Variants in CD320 observed in about 807,000 individuals in gnomAD.
CD320 encodes CD320 molecule, also known as CD320 antigen.
Under a neutral mutation model 22.1 loss-of-function variants are expected in CD320, and 16 were observed. The observed-to-expected ratio is 0.73, with a 90% CI of 0.49 to 1.10. The LOEUF (loss-of-function observed/expected upper bound fraction) is 1.10, where lower values mean the gene tolerates loss of function less well. Among genes scored for constraint, CD320 ranks in the 50% least tolerant of loss-of-function variants. CD320 has a pLI of 0.00. For missense variants in CD320, 388 were observed against 376.9 expected (o/e 1.03, Z -0.24); for synonymous variants, 188 against 167.8 (o/e 1.12, Z -0.93).
chr19:8,303,893 T>C lies in CD320; in HGVS notation c.464A>G (p.His155Arg). 6.2e-7 allele frequency: 1 copy of C among 1,605,246 alleles called. No individual in the cohort carries two copies. The highest frequency in any genetic ancestry group is 8.5e-7 in the Non-Finnish European group (1 of 1,176,482). Reference sequence around the variant, plus strand: ...GTCGCTGGAGTCGGGACAGTCTGGGTGGCCGTCGCAGCGCCACGTGAGTGG... The same window carrying C: ...GTCGCTGGAGTCGGGACAGTCTGGGCGGCCGTCGCAGCGCCACGTGAGTGG... ...CIPLTWRCDG[H>R]PDCPDSSDEL... Residue 155 changes from histidine (H) to arginine (R), a missense_variant, in exon 3 of 5, where the codon CAC becomes CGC. Physicochemically the swap from His to Arg is conservative, Grantham distance 29 (BLOSUM62 0). Coordinates refer to ENST00000301458, the MANE Select transcript of CD320 (RefSeq NM_016579.4).
rs144097701 is a variant in CD320, at chr19:8,303,979, G to A, written c.378C>T (p.Asn126=). Residue 126 remains asparagine (N), a synonymous_variant, in exon 3 of 5, where the codon AAC becomes AAT. Transcript: ENST00000301458. ...CTGCTAGGCAGGCCAGGCGGCTGCA[G>A]TTGCGCAGTTTCTTGTCAGTTCCCC... is the stretch of plus-strand genomic sequence containing the variant. ...CSGGTDKKLR[N]CSRLACLAGE... The A allele has an allele frequency of 2.8e-4, 447 of 1,577,442 alleles. No homozygotes were observed. The highest frequency in any genetic ancestry group is 3.7e-4 in the Non-Finnish European group (431 of 1,161,782).
Position 8,302,947 on chromosome 19 carries a change from G to T in CD320, c.536C>A (p.Thr179Lys), listed in dbSNP as rs1204954526. The T allele has an allele frequency of 5.0e-6, 8 of 1,613,956 alleles. No homozygotes were observed. The highest frequency in any genetic ancestry group is 1.3e-5 in the African/African-American group (1 of 74,906). The change falls in exon 4 of 5, where the codon ACA becomes AAA. Residue 179 changes from threonine to lysine, a missense_variant. By Grantham distance (78) the Thr-to-Lys change is moderately conservative. Transcript: ENST00000301458. ...TNEILPEGDA[T>K]TMGPPVTLES... is the part of the protein sequence containing the mutation. The stretch of plus-strand genomic sequence containing the variant: ...CAGGGTCACAGGGGGCCCCATGGTT[G>T]TGGCATCCCCTTCCGGGAGGATCTC...
At chr19:8,304,342 T>G (rs955624368) in intron 2 of CD320, among the ~76,000 whole-genome samples, 1 of 152,030 alleles carries the variant, frequency 6.6e-6, no homozygotes, top group Admixed American at 6.5e-5. Context: ...TGTTTGTTTC[T>G]TTCTTTATTT....
Position 8,302,973 on chromosome 19 carries a change from A to G in CD320, c.510T>C (p.Asn170=). ...TGGCATCCCCTTCCGGGAGGATCTC[A>G]TTGGTTCCTGCAATAAGCCCAGGCG... The part of the protein sequence containing the change: ...DSSDELGCGT[N]EILPEGDATT... The change falls in exon 4 of 5, where the codon AAT becomes AAC. Residue 170 remains asparagine, a synonymous_variant. Coordinates refer to ENST00000301458, the MANE Select transcript of CD320 (RefSeq NM_016579.4). The G allele has an allele frequency of 6.2e-7, 1 of 1,610,366 alleles. No homozygotes were observed. Among genetic ancestry groups the G allele is most frequent in the Non-Finnish European group, 8.5e-7 (1 of 1,177,054 alleles).
At position 8,303,901 on chromosome 19, in the gene CD320, G is replaced by A. The variant is rs758485696; in HGVS notation, c.456C>T (p.Cys152=). 6.2e-7 allele frequency: 1 copy of A among 1,605,754 alleles called. No homozygotes were observed. The highest frequency in any genetic ancestry group is 8.5e-7 in the Non-Finnish European group (1 of 1,176,654). Residue 152 remains cysteine (C), a synonymous_variant, in exon 3 of 5, where the codon TGC becomes TGT. Coordinates refer to ENST00000301458, the MANE Select transcript of CD320 (RefSeq NM_016579.4). ...SDDCIPLTWR[C]DGHPDCPDSS... The stretch of plus-strand genomic sequence containing the variant: ...AGTCGGGACAGTCTGGGTGGCCGTC[G>A]CAGCGCCACGTGAGTGGAATGCAGT...
At chr19:8,307,706 G>A (rs1970113340) in intron 1 of CD320, among the ~76,000 whole-genome samples, 1 of 152,206 alleles carries the variant, frequency 6.6e-6, no homozygotes, top group Non-Finnish European at 1.5e-5. Context: ...AGACTGGGAG[G>A]GCAGGGACGG....
At chr19:8,304,467 T>C (rs8108166) in intron 2 of CD320, among the ~76,000 whole-genome samples, 23,198 of 152,056 alleles carry the variant, frequency 0.15, 3,906 homozygotes, top group African/African-American at 0.42. Context: ...CTTAGCCTCC[T>C]GACTAGCTGG....
Position 8,304,000 on chromosome 19 carries a change from TC to T in CD320, c.356del (p.Gly119GlufsTer15). On this transcript the variant is annotated frameshift_variant, in exon 3 of 5. Transcript: ENST00000301458. LOFTEE classifies it high-confidence loss of function. ...PCTGVSDCSG[G>X]TDKKLRNCSR... Reference sequence around the variant, plus strand: ...TGCAGTTGCGCAGTTTCTTGTCAGTTCCCCCAGAGCAGTCACTGACGCCGGT... The same window carrying T: ...TGCAGTTGCGCAGTTTCTTGTCAGTTCCCCAGAGCAGTCACTGACGCCGGT... 6.4e-7 allele frequency: 1 copy of T among 1,570,558 alleles called. No homozygotes were observed. The highest frequency in any genetic ancestry group is 2.4e-5 in the East Asian group (1 of 42,326).
At chr19:8,303,063 G>T (rs1970033417) in intron 3 of CD320, 83 bp from the exon 4 acceptor site, 3 of 1,156,530 alleles carry the variant, frequency 2.6e-6, no homozygotes, top group Non-Finnish European at 2.5e-6. Context: ...AGCCCTTGGG[G>T]TTTATCCTCA....
At chr19:8,306,361 A>T (rs543823120) in intron 1 of CD320, among the ~76,000 whole-genome samples, 2 of 152,284 alleles carry the variant, frequency 1.3e-5, no homozygotes, top group Admixed American at 6.5e-5. Context: ...GACACAGGTC[A>T]CATAAGGGTC....
chr19:8,307,295 AC>A (rs1343667706), intron 1 of CD320, among the ~76,000 whole-genome samples: 2 of 151,038 alleles, frequency 1.3e-5, no homozygotes, highest in African/African-American at 4.9e-5. Context: ...AAAAAAAAAA[AC>A]AAAAACTTTT....
chr19:8,304,505 G>A (rs1970057619), intron 2 of CD320, among the ~76,000 whole-genome samples: 1 of 151,930 alleles, frequency 6.6e-6, no homozygotes, highest in African/African-American at 2.4e-5. Context: ...GCCACATCCA[G>A]CTAACTTTTG....
intron 1 of CD320, 44 bp downstream of exon 1, chr19:8,308,105 A>G: frequency 6.3e-6 from 9 of 1,432,292 alleles, no homozygotes; most frequent in Non-Finnish European, 7.3e-6. Flanking sequence ...GGCGGGGCGA[A>G]GCCTCGCGAG....
At chr19:8,302,681 T>A in intron 4 of CD320, 76 bp from the exon 5 acceptor site, 2 of 1,605,550 alleles carry the variant, frequency 1.2e-6, no homozygotes. Context: ...TCCATACACA[T>A]GGGGATGGGA....
chr19:8,303,862 G>A lies in CD320; in HGVS notation c.495C>T (p.Leu165=), dbSNP rs199545496. Residue 165 remains leucine (L), a synonymous_variant, in exon 3 of 5, where the codon CTC becomes CTT. Transcript: ENST00000301458. ...HPDCPDSSDE[L]GCGTNEILPE... ...AGCCCCGCAGGTGCATACCACAGCC[G>A]AGCTCGTCGCTGGAGTCGGGACAGT... 99 of 1,596,438 alleles carry A rather than the reference G, an allele frequency of 6.2e-5. No homozygotes were observed. In the East Asian group the frequency reaches 1.3e-3, roughly 22 times the overall value.
intron 1 of CD320, chr19:8,305,537 C>A: frequency 3.9e-6 from 1 of 257,728 alleles, no homozygotes; most frequent in South Asian, 4.4e-5. Flanking sequence ...GAAACCCCGT[C>A]TCTGTTAAAA....
Position 8,302,476 on chromosome 19 carries a change from G to T in CD320, c.836C>A (p.Thr279Asn). ...AAGTGCTTGTCCTCAGGGCAGCGAG[G>T]TCTTCTGTTCTGACAGCAGCAGGGA... ...KESLLLSEQK[T>N]SLP The change falls in exon 5 of 5, where the codon ACC becomes AAC. Residue 279 changes from threonine (T) to asparagine (N), a missense_variant. Thr to Asn is a moderately conservative substitution (Grantham distance 65). Coordinates refer to ENST00000301458, the MANE Select transcript of CD320 (RefSeq NM_016579.4). 2 of 1,614,162 alleles carry T rather than the reference G, an allele frequency of 1.2e-6. No individual in the cohort carries two copies. The highest frequency in any genetic ancestry group is 1.7e-6 in the Non-Finnish European group (2 of 1,180,022).
At chr19:8,304,633 G>A (rs545861169) in intron 2 of CD320, 22 of 262,190 alleles carry the variant, frequency 8.4e-5, no homozygotes, top group Non-Finnish European at 1.4e-4. Flanking sequence ...GTGAGCCACC[G>A]TACCTGGCTC....
Position 8,305,022 on chromosome 19 carries a change from G to A in CD320, c.268+9C>T. 6.2e-7 allele frequency: 1 copy of A among 1,604,594 alleles called. No individual in the cohort carries two copies. Among genetic ancestry groups the A allele is most frequent in the Non-Finnish European group, 8.5e-7 (1 of 1,179,606 alleles). On this transcript the variant is annotated intron_variant, in intron 2 of 4. Coordinates refer to ENST00000301458, the MANE Select transcript of CD320 (RefSeq NM_016579.4). ...CCTGTAAGCCCCGCCAAGGGGCGTG[G>A]CCACTCACTGCACTCCTCCTCATCG...
Sources: gnomAD v4.1 joint callset for allele counts (sites outside exome capture counted in the v4.1 genomes callset) on GRCh38, gnomAD v4.1.1 for gene constraint, MANE v1.5 for transcripts, NCBI Gene and HGNC (gene_info 2026-07-23, HGNC 2026-07-21) for gene names.